The following UNC5C variants were observed in gnomAD, a reference collection of about 807,000 sequenced individuals.
UNC5C encodes the protein unc-5 netrin receptor C.
Under a neutral mutation model 99.8 loss-of-function variants are expected in UNC5C, and 47 were observed. That is an observed-to-expected ratio of 0.47 (90% CI 0.37 to 0.60). The LOEUF is 0.60. Among genes scored for constraint, UNC5C ranks in the 20% least tolerant of loss-of-function variants. UNC5C has a pLI of 0.00. For missense variants in UNC5C, 1,062 were observed against 1,165.9 expected, an observed-to-expected ratio of 0.91 and a Z score of 1.30; for synonymous variants, 487 against 452.2, an observed-to-expected ratio of 1.08 and a Z score of -0.98.
chr4:95,177,683 T>TATG (rs1303376338), intron 14 of UNC5C, among the ~76,000 whole-genome samples: 3 of 152,156 alleles, frequency 2.0e-5, no homozygotes, highest in Non-Finnish European at 2.9e-5. Context: ...TACATATATA[T>TATG]ATGTATTTAG....
chr4:95,473,167 T>C (rs1387118912), intron 1 of UNC5C, among the ~76,000 whole-genome samples: 1 of 152,152 alleles, frequency 6.6e-6, no homozygotes, highest in Admixed American at 6.6e-5. Flanking sequence ...TTTGACTTTC[T>C]ACTCAAAAGT....
intron 12 of UNC5C, among the ~76,000 whole-genome samples, chr4:95,190,464 A>C (rs1449046728): frequency 1.3e-5 from 2 of 152,148 alleles, no homozygotes; most frequent in Admixed American, 6.5e-5. Flanking sequence ...CATTGTGCAC[A>C]TGTACCCGAG....
chr4:95,357,135 G>GTT (rs33936765), intron 1 of UNC5C, among the ~76,000 whole-genome samples: 19,189 of 145,934 alleles, frequency 0.13, 1,482 homozygotes, highest in African/African-American at 0.2. Context: ...CCTTTTTTTT[G>GTT]TTTTTTTTTT....
At chr4:95,243,439 CT>C (rs1337009739) in intron 6 of UNC5C, among the ~76,000 whole-genome samples, 1 of 152,066 alleles carries the variant, frequency 6.6e-6, no homozygotes, top group Admixed American at 6.6e-5. Context: ...CAAAATGCAG[CT>C]TAAGCTTCTC....
At chr4:95,503,791 C>A (rs973188614) in intron 1 of UNC5C, among the ~76,000 whole-genome samples, 2 of 152,126 alleles carry the variant, frequency 1.3e-5, no homozygotes, top group Non-Finnish European at 2.9e-5. Flanking sequence ...CCCCTCATCA[C>A]TCCTCCAAAT....
intron 13 of UNC5C, among the ~76,000 whole-genome samples, chr4:95,184,431 T>C (rs556068349): frequency 4.8e-4 from 73 of 152,272 alleles, no homozygotes; most frequent in African/African-American, 1.7e-3. Flanking sequence ...TAGGATGGCA[T>C]ATGAGGCTTG....
At chr4:95,321,170 T>C (rs1742677098) in intron 2 of UNC5C, among the ~76,000 whole-genome samples, 1 of 152,150 alleles carries the variant, frequency 6.6e-6, no homozygotes, top group African/African-American at 2.4e-5. Flanking sequence ...AAATTAAAAT[T>C]ACATAGTTCT....
chr4:95,232,291 A>G (rs945147069), intron 7 of UNC5C, among the ~76,000 whole-genome samples: 4 of 150,886 alleles, frequency 2.7e-5, no homozygotes, highest in Admixed American at 6.6e-5. Flanking sequence ...TATGTTTTAT[A>G]TAAGTGTTAT....
At chr4:95,397,337 A>T (rs1189251554) in intron 1 of UNC5C, among the ~76,000 whole-genome samples, 6 of 152,242 alleles carry the variant, frequency 3.9e-5, no homozygotes, top group Non-Finnish European at 8.8e-5. Flanking sequence ...TGTATTTTCA[A>T]CTAAACAAAT....
intron 1 of UNC5C, among the ~76,000 whole-genome samples, chr4:95,394,317 C>G (rs187468794): frequency 1.5e-4 from 22 of 151,570 alleles, no homozygotes; most frequent in Admixed American, 1.4e-3. Flanking sequence ...GATGAAATCT[C>G]ACGAATGGGG....
intron 12 of UNC5C, among the ~76,000 whole-genome samples, chr4:95,187,027 A>T (rs950421411): frequency 9.9e-5 from 15 of 152,102 alleles, no homozygotes; most frequent in African/African-American, 3.6e-4. Flanking sequence ...AGCCATGTGG[A>T]AGTGGAGAAG....
At chr4:95,539,250 C>G (rs181228036) in intron 1 of UNC5C, among the ~76,000 whole-genome samples, 1 of 152,136 alleles carries the variant, frequency 6.6e-6, no homozygotes, top group Non-Finnish European at 1.5e-5. Context: ...TATAGTCCAC[C>G]GTGTAGGAAA....
chr4:95,251,624 G>A (rs550071263), intron 4 of UNC5C, among the ~76,000 whole-genome samples: 2 of 152,290 alleles, frequency 1.3e-5, no homozygotes, highest in East Asian at 3.9e-4. Flanking sequence ...AACAAACAAC[G>A]TTGATATTTA....
chr4:95,247,383 C>G (rs1332060282), intron 5 of UNC5C, among the ~76,000 whole-genome samples: 1 of 151,980 alleles, frequency 6.6e-6, no homozygotes, highest in African/African-American at 2.4e-5. Context: ...TTCCAAAAAG[C>G]AACTTAACCT....
intron 10 of UNC5C, among the ~76,000 whole-genome samples, chr4:95,211,817 A>G (rs1738084039): frequency 6.6e-6 from 1 of 152,152 alleles, no homozygotes. Flanking sequence ...GTTTTCGTAA[A>G]CTATCTTGAA....
intron 1 of UNC5C, among the ~76,000 whole-genome samples, chr4:95,483,172 AG>A (rs1379289065): frequency 6.6e-6 from 1 of 151,584 alleles, no homozygotes; most frequent in Non-Finnish European, 1.5e-5. Context: ...AAGGAACTCA[AG>A]TTCCATTCAG....
intron 1 of UNC5C, among the ~76,000 whole-genome samples, chr4:95,491,950 G>C (rs1353180280): frequency 6.6e-6 from 1 of 151,438 alleles, no homozygotes; most frequent in Non-Finnish European, 1.5e-5. Context: ...AAATGTATGT[G>C]TAAAACATGG....
intron 1 of UNC5C, among the ~76,000 whole-genome samples, chr4:95,351,245 G>A (rs1022791932): frequency 1.3e-5 from 2 of 151,866 alleles, no homozygotes. Context: ...ATGTTCAGAG[G>A]GTGAAGGGCA....
Position 95,328,927 on chromosome 4 carries a change from C to G in UNC5C, c.346+6483G>C, listed in dbSNP as rs1295997171. On this transcript the variant is annotated intron_variant, in intron 2 of 15. Transcript: ENST00000453304. ...GGCACTCGCCCCAGCTCCTGCACCC[C>G]CTCACCTGCATGCTCCCCCTCTCGA... Among the ~76,000 whole-genome samples, 10 of 152,156 alleles carry G rather than the reference C, an allele frequency of 6.6e-5. No individual in the cohort carries two copies. In the South Asian group the frequency reaches 2.1e-3, roughly 32 times the overall value.
Sources: allele counts gnomAD v4.1 joint callset (sites outside exome capture counted in the v4.1 genomes callset), GRCh38; gene constraint gnomAD v4.1.1; transcripts MANE v1.5; gene names NCBI Gene and HGNC (gene_info 2026-07-23, HGNC 2026-07-21).